The following LMO7 variants were observed in gnomAD, a reference collection of about 807,000 sequenced individuals.
LMO7 encodes the protein LIM domain only protein 7.
Under a neutral mutation model 206.5 loss-of-function variants are expected in LMO7, and 120 were observed. The observed-to-expected ratio is 0.58, with a 90% confidence interval of 0.50 to 0.68. The LOEUF (loss-of-function observed/expected upper bound fraction) is 0.68. Among genes scored for constraint, LMO7 ranks in the 30% least tolerant of loss-of-function variants. The probability of loss-of-function intolerance (pLI) is 0.00; values close to 1 mark genes in which losing one functional copy is unlikely to be tolerated. For synonymous variants in LMO7, 706 were observed against 681.5 expected, an observed-to-expected ratio of 1.04 and a Z score of -0.56; for missense variants, 1,959 against 1,957.9, an observed-to-expected ratio of 1.00 and a Z score of -0.01.
chr13:75,697,103 C>T (rs768844262), intron 1 of LMO7, among the ~76,000 whole-genome samples: 1 of 152,112 alleles, frequency 6.6e-6, no homozygotes, highest in Admixed American at 6.5e-5. Flanking sequence ...CCATGAATGC[C>T]AATACACATT....
chr13:75,722,175 A>G (rs1288549584), intron 2 of LMO7, among the ~76,000 whole-genome samples: 3 of 152,242 alleles, frequency 2.0e-5, no homozygotes, highest in Admixed American at 6.5e-5. Flanking sequence ...AGAACCCAAA[A>G]GCAAATCCAA....
intron 4 of LMO7, among the ~76,000 whole-genome samples, chr13:75,784,679 T>C (rs2052115403): frequency 6.6e-6 from 1 of 152,162 alleles, no homozygotes; most frequent in African/African-American, 2.4e-5. Context: ...TCCATGTACA[T>C]CAGAAAGGAA....
intron 7 of LMO7, among the ~76,000 whole-genome samples, chr13:75,801,993 TTCTC>T (rs2054809464): frequency 6.6e-6 from 1 of 152,106 alleles, no homozygotes; most frequent in African/African-American, 2.4e-5. Context: ...CCTCCCTCCT[TTCTC>T]TATTATAATT....
At chr13:75,644,549 A>G (rs1185707954) in intron 1 of LMO7, among the ~76,000 whole-genome samples, 1 of 152,264 alleles carries the variant, frequency 6.6e-6, no homozygotes, top group Non-Finnish European at 1.5e-5. Context: ...GCTCACCAGC[A>G]CAAGTTATTT....
rs372046266 is a variant in LMO7, at chr13:75,833,093, G to A, written c.2992G>A (p.Gly998Arg). The A allele has an allele frequency of 2.5e-6, 4 of 1,611,536 alleles. No individual in the cohort carries two copies. The African/African-American group carries it at 5.3e-5, about 22-fold the overall frequency. The change falls in exon 16 of 31, where the codon GGG becomes AGG. Residue 998 changes from glycine (G) to arginine (R), a missense_variant. Transcript: ENST00000377534. ...GAGAATCAGCATAAACCAGACGCCT[G>A]GGAAGAGTCTTGACTTTGGGTTTAC... ...DMRISINQTPGKSLDFGFTIK... is the reference protein window; with the variant it reads ...DMRISINQTPRKSLDFGFTIK...
rs7323343 is a variant in LMO7 at position 75,845,388 on chromosome 13, G to A, written c.4150+9G>A. ...CTCCACAAATAAAAATGGTAAATGC[G>A]ATATTTTCCCCCAAACTCCTTCAGA... On this transcript the variant is annotated intron_variant, in intron 26 of 30. Transcript: ENST00000377534. 1.4e-3 allele frequency: 2,230 copies of A among 1,553,980 alleles called. 32 individuals carry two copies. In the African/African-American group the frequency reaches 0.027, roughly 19 times the overall value.
At position 75,835,217 on chromosome 13, in the gene LMO7, G is replaced by C. The variant is rs751299507; in HGVS notation, c.3227-16G>C. The C allele has an allele frequency of 5.0e-6, 8 of 1,611,798 alleles. No individual in the cohort carries two copies. In the Admixed American group the frequency reaches 5.0e-5, roughly 10 times the overall value. On this transcript the variant is annotated splice_polypyrimidine_tract_variant and intron_variant, in intron 17 of 30. Transcript: ENST00000377534. ...TAAAACCCTCAATCTCACCAGTATG[G>C]CTACCAAAATTATAGGTTCACCTGA...
chr13:75,694,166 T>G (rs1475452091), intron 1 of LMO7, among the ~76,000 whole-genome samples: 1 of 152,216 alleles, frequency 6.6e-6, no homozygotes, highest in Non-Finnish European at 1.5e-5. Context: ...GATGATGCCA[T>G]AAGGCAGAAT....
At chr13:75,767,235 A>G (rs559753051) in intron 4 of LMO7, among the ~76,000 whole-genome samples, 4 of 152,240 alleles carry the variant, frequency 2.6e-5, no homozygotes, top group African/African-American at 9.6e-5. Context: ...TTTTTTATAT[A>G]AAGTGTTAGA....
intron 3 of LMO7, among the ~76,000 whole-genome samples, chr13:75,735,371 A>G (rs752482333): frequency 6.6e-6 from 1 of 152,144 alleles, no homozygotes; most frequent in African/African-American, 2.4e-5. Context: ...GTATACACAC[A>G]CACACACACA....
In LMO7 at chr13:75,807,647, A is replaced by G; in HGVS notation, c.1364A>G (p.Asp455Gly). ...RRDDLEMAAL[D>G]PDLENDDFFV... ...GATGACCTCGAGATGGCAGCCCTGG[A>G]TCCTGACTTAGAGAATGATGATTTC... Residue 455 changes from aspartate (D) to glycine (G), a missense_variant, in exon 10 of 31, where the codon GAT becomes GGT. Physicochemically the swap from Asp to Gly is moderately conservative, Grantham distance 94. Transcript: ENST00000377534. 4 of 1,613,988 alleles carry G rather than the reference A, an allele frequency of 2.5e-6. No individual in the cohort carries two copies. The highest frequency in any genetic ancestry group is 2.5e-6 in the Non-Finnish European group (3 of 1,179,872).
rs150198873 is a variant in LMO7, at chr13:75,698,300, ATATACT to A, written c.70-14877_70-14872del. 7.0e-3 allele frequency among the ~76,000 whole-genome samples: 1,072 copies of A among 152,084 alleles called. 18 individuals are homozygous for A. The highest frequency in any genetic ancestry group is 0.057 in the East Asian group (293 of 5,184). ...AATATAAATACATATATGTAATATAATATACTTATATATTTTTAAGAGATAGGGTCT... is the reference window on the plus strand; with the variant it reads ...AATATAAATACATATATGTAATATAATATATATTTTTAAGAGATAGGGTCT... On this transcript the variant is annotated intron_variant, in intron 1 of 30. Coordinates refer to ENST00000377534, the MANE Select transcript of LMO7 (RefSeq NM_001306080.2).
intron 1 of LMO7, among the ~76,000 whole-genome samples, chr13:75,687,928 G>A (rs2041151962): frequency 6.6e-6 from 1 of 152,198 alleles, no homozygotes; most frequent in Non-Finnish European, 1.5e-5. Flanking sequence ...GACCTGGTGG[G>A]AGGTAATTGA....
At chr13:75,722,095 A>G (rs879912651) in intron 2 of LMO7, among the ~76,000 whole-genome samples, 2 of 152,270 alleles carry the variant, frequency 1.3e-5, no homozygotes, top group Non-Finnish European at 2.9e-5. Context: ...ACCTGAGACC[A>G]TAAAGATTCT....
chr13:75,633,471 T>G (rs376770105), upstream of LMO7, among the ~76,000 whole-genome samples: 13 of 152,280 alleles, frequency 8.5e-5, no homozygotes, highest in South Asian at 2.1e-4. Context: ...TCAGAAGAGA[T>G]AGGTTCCAAT....
At chr13:75,782,642 GC>G (rs760039618) in intron 4 of LMO7, among the ~76,000 whole-genome samples, 5 of 152,154 alleles carry the variant, frequency 3.3e-5, no homozygotes, top group Non-Finnish European at 7.3e-5. Flanking sequence ...GTCTTAAGGG[GC>G]TAAAAACAAG....
In LMO7 at chr13:75,727,023, T is replaced by C. The variant is rs2044542025; in HGVS notation, c.141-6T>C. ...GTAATTGCATCTGTTATTTATTTAC[T>C]TTCAGTTTGATTAATAAGCTTAAAC... On this transcript the variant is annotated splice_polypyrimidine_tract_variant and splice_region_variant and intron_variant, in intron 2 of 30. Transcript: ENST00000377534. 6.6e-7 allele frequency: 1 copy of C among 1,518,542 alleles called. No individual in the cohort carries two copies. The highest frequency in any genetic ancestry group is 9.1e-7 in the Non-Finnish European group (1 of 1,094,616). 94.1% of individuals were successfully genotyped at this position (1,518,542 alleles called of 1,614,324 possible).
At chr13:75,784,068 G>A (rs762389907) in intron 4 of LMO7, among the ~76,000 whole-genome samples, 10 of 152,018 alleles carry the variant, frequency 6.6e-5, no homozygotes, top group Admixed American at 2.6e-4. Context: ...ACAATATCTG[G>A]AGACATTTCT....
At position 75,807,822 on chromosome 13, in the gene LMO7, A is replaced by G; in HGVS notation, c.1539A>G (p.Glu513=). ...REGELVLPDL[E]KDDMIVRRIP... is the part of the protein sequence containing the mutation. The stretch of plus-strand genomic sequence containing the variant: ...GTGAACTTGTACTTCCGGATTTGGA[A>G]AAAGATGATATGATTGTTCGCCGAA... The change falls in exon 10 of 31, where the codon GAA becomes GAG. Residue 513 remains glutamate (E), a synonymous_variant. Coordinates refer to ENST00000377534, the MANE Select transcript of LMO7 (RefSeq NM_001306080.2). 1 of 1,613,952 alleles carries G rather than the reference A, an allele frequency of 6.2e-7. No individual in the cohort carries two copies.
Sources: gnomAD v4.1 joint callset for allele counts (sites outside exome capture counted in the v4.1 genomes callset) on GRCh38, gnomAD v4.1.1 for gene constraint, MANE v1.5 for transcripts, NCBI Gene and HGNC (gene_info 2026-07-23, HGNC 2026-07-21) for gene names.